PPP2R5E: variants seen among roughly 807,000 people sequenced by gnomAD.
The protein encoded by PPP2R5E is protein phosphatase 2 regulatory subunit B'epsilon, also known as serine/threonine-protein phosphatase 2A 56 kDa regulatory subunit epsilon isoform.
In PPP2R5E, 4 loss-of-function variants were observed where a neutral mutation model predicts 65.3. The ratio of observed to expected loss-of-function variants is 0.06; its 90% CI spans 0.03 to 0.14. PPP2R5E has a LOEUF of 0.14. Among genes scored for constraint, PPP2R5E ranks in the 10% least tolerant of loss-of-function variants. PPP2R5E has a pLI of 1.00. For synonymous variants in PPP2R5E, 183 were observed against 187.4 expected (o/e 0.98, Z 0.19); for missense variants, 274 against 556.1 (o/e 0.49, Z 5.10).
intron 2 of PPP2R5E, among the ~76,000 whole-genome samples, chr14:63,489,453 A>G (rs1227040996): frequency 6.8e-6 from 1 of 148,128 alleles, no homozygotes; most frequent in Non-Finnish European, 1.5e-5. Context: ...ACTCTCACCC[A>G]GGCTGGAGTG....
chr14:63,531,807 A>T (rs918938938), intron 2 of PPP2R5E, among the ~76,000 whole-genome samples: 1 of 151,810 alleles, frequency 6.6e-6, no homozygotes, highest in Non-Finnish European at 1.5e-5. Flanking sequence ...TACAAAATTA[A>T]CTGGGTGTGG....
intron 2 of PPP2R5E, among the ~76,000 whole-genome samples, chr14:63,472,142 A>G (rs1890165375): frequency 6.6e-6 from 1 of 152,156 alleles, no homozygotes; most frequent in Admixed American, 6.5e-5. Flanking sequence ...TCTACCAAAA[A>G]TACAAAAATT....
At chr14:63,431,948 A>G (rs912818028) in intron 3 of PPP2R5E, among the ~76,000 whole-genome samples, 6 of 152,104 alleles carry the variant, frequency 3.9e-5, no homozygotes, top group African/African-American at 1.4e-4. Flanking sequence ...GGACATAACA[A>G]CTATTCTATT....
chr14:63,403,275 A>T (rs138689472), intron 5 of PPP2R5E, among the ~76,000 whole-genome samples: 1 of 151,996 alleles, frequency 6.6e-6, no homozygotes, highest in East Asian at 1.9e-4. Flanking sequence ...TGAAAATACA[A>T]AAATTAGTCT....
At chr14:63,477,132 T>C (rs1033095235) in intron 2 of PPP2R5E, among the ~76,000 whole-genome samples, 1 of 152,156 alleles carries the variant, frequency 6.6e-6, no homozygotes. Context: ...TATCAGCATC[T>C]GCATCATTTC....
chr14:63,371,502 T>C lies in PPP2R5E; in HGVS notation c.*4507A>G, dbSNP rs1226908886. On this transcript the variant is annotated 3_prime_UTR_variant, in exon 14 of 14. Transcript: ENST00000337537. ...TACCACTTTGAAGAAAGCAAATCATTTCCAAAGAAAAACATTTTAAATTCC... is the reference window on the plus strand; with the variant it reads ...TACCACTTTGAAGAAAGCAAATCATCTCCAAAGAAAAACATTTTAAATTCC... The C allele has an allele frequency of 1.3e-5, 2 of 152,228 alleles. No homozygotes were observed. The highest frequency in any genetic ancestry group is 6.5e-5 in the Admixed American group (1 of 15,284). The allele number at this position is 152,228 out of a possible 1,614,324, so 9.4% of individuals were successfully genotyped here.
At chr14:63,517,760 T>C (rs944181261) in intron 2 of PPP2R5E, among the ~76,000 whole-genome samples, 13 of 152,224 alleles carry the variant, frequency 8.5e-5, no homozygotes, top group Non-Finnish European at 1.0e-4. Context: ...TTTGAAATAC[T>C]TTCAATTATT....
intron 2 of PPP2R5E, among the ~76,000 whole-genome samples, chr14:63,471,741 C>T (rs549816681): frequency 6.6e-6 from 1 of 152,310 alleles, no homozygotes; most frequent in Non-Finnish European, 1.5e-5. Flanking sequence ...CACAATCTGG[C>T]ACCTGTACAC....
chr14:63,526,946 G>A (rs1312321812), intron 2 of PPP2R5E, among the ~76,000 whole-genome samples: 1 of 152,168 alleles, frequency 6.6e-6, no homozygotes, highest in African/African-American at 2.4e-5. Flanking sequence ...AAGGCGGGCG[G>A]ATCACCTGAG....
chr14:63,414,063 C>T (rs1176140054), intron 5 of PPP2R5E, among the ~76,000 whole-genome samples: 7 of 152,152 alleles, frequency 4.6e-5, no homozygotes, highest in African/African-American at 1.7e-4. Context: ...GCCTCCATGC[C>T]CCTCAGCTCT....
intron 2 of PPP2R5E, among the ~76,000 whole-genome samples, chr14:63,472,117 T>C (rs1331721383): frequency 6.6e-6 from 1 of 152,158 alleles, no homozygotes; most frequent in Admixed American, 6.6e-5. Flanking sequence ...CTGGCCAACA[T>C]GGCAAAACCC....
chr14:63,521,848 T>G (rs1168033314), intron 2 of PPP2R5E, among the ~76,000 whole-genome samples: 3 of 152,100 alleles, frequency 2.0e-5, no homozygotes, highest in African/African-American at 7.2e-5. Flanking sequence ...AAAACACCAC[T>G]CCTTCTGATG....
chr14:63,455,313 C>A (rs1191532093), intron 2 of PPP2R5E, among the ~76,000 whole-genome samples: 1 of 152,274 alleles, frequency 6.6e-6, no homozygotes, highest in East Asian at 1.9e-4. Context: ...CAAAACACTG[C>A]CAGTTAAGTA....
chr14:63,433,786 C>A (rs930296138), intron 3 of PPP2R5E, among the ~76,000 whole-genome samples: 3 of 152,098 alleles, frequency 2.0e-5, no homozygotes, highest in Non-Finnish European at 4.4e-5. Context: ...GACTTTCCAG[C>A]GAATCTCCTG....
intron 2 of PPP2R5E, among the ~76,000 whole-genome samples, chr14:63,533,265 A>G (rs1360729801): frequency 3.3e-5 from 5 of 150,494 alleles, no homozygotes; most frequent in Non-Finnish European, 7.4e-5. Flanking sequence ...GCAATCATTA[A>G]AAAGGCACGA....
chr14:63,515,358 C>T (rs1425888150), intron 2 of PPP2R5E, among the ~76,000 whole-genome samples: 1 of 152,192 alleles, frequency 6.6e-6, no homozygotes, highest in African/African-American at 2.4e-5. Context: ...ATAGAAACTT[C>T]AGCATCTACC....
Position 63,534,307 on chromosome 14 carries a change from A to G in PPP2R5E, c.157+5222T>C, listed in dbSNP as rs1183723836. 3.3e-5 allele frequency among the ~76,000 whole-genome samples: 5 copies of G among 151,828 alleles called. No individual in the cohort carries two copies. In the East Asian group the frequency reaches 9.6e-4, roughly 29 times the overall value. ...AGTCTTGACTTTCTTTTTTTTTTTA[A>G]GACAGAGTTTATAGTGGCACAATAT... On this transcript the variant is annotated intron_variant, in intron 2 of 13. Transcript: ENST00000337537.
At chr14:63,464,408 C>G (rs778217637) in intron 2 of PPP2R5E, among the ~76,000 whole-genome samples, 3 of 152,040 alleles carry the variant, frequency 2.0e-5, no homozygotes, top group African/African-American at 7.2e-5. Context: ...GGGTAGTCAG[C>G]CAAGGCTGTC....
intron 4 of PPP2R5E, among the ~76,000 whole-genome samples, chr14:63,418,211 A>G (rs1005819423): frequency 2.6e-5 from 4 of 152,130 alleles, no homozygotes; most frequent in Admixed American, 2.6e-4. Flanking sequence ...AGTTTTACAT[A>G]CAGAATGTCA....
Sources: allele counts gnomAD v4.1 joint callset (sites outside exome capture counted in the v4.1 genomes callset), GRCh38; gene constraint gnomAD v4.1.1; transcripts MANE v1.5; gene names NCBI Gene and HGNC (gene_info 2026-07-23, HGNC 2026-07-21).